TMC1: variants seen among roughly 807,000 people sequenced by gnomAD.
The protein encoded by TMC1 is transmembrane channel like 1.
A neutral mutation model predicts 105.8 loss-of-function variants in TMC1; 84 were observed. The ratio of observed to expected loss-of-function variants is 0.79; its 90% CI spans 0.67 to 0.95. TMC1 has a LOEUF of 0.95. Ranked by LOEUF, TMC1 falls within the 40% of genes least tolerant of loss-of-function variation. The pLI, the probability that TMC1 is intolerant of heterozygous loss-of-function variation, is 0.00. For missense variants in TMC1, 817 were observed against 914.1 expected (o/e 0.89, Z 1.37); for synonymous variants, 315 against 311.5 (o/e 1.01, Z -0.12).
chr9:72,562,226 C>T (rs1432110577), intron 1 of TMC1, among the ~76,000 whole-genome samples: 1 of 152,116 alleles, frequency 6.6e-6, no homozygotes, highest in African/African-American at 2.4e-5. Context: ...AGTCAAGGGT[C>T]TTGCAGGTTC....
At chr9:72,801,189 T>G (rs901993222) in intron 17 of TMC1, among the ~76,000 whole-genome samples, 1 of 152,170 alleles carries the variant, frequency 6.6e-6, no homozygotes, top group South Asian at 2.1e-4. Context: ...CAAGCAATCA[T>G]TTAGTTTCAT....
At chr9:72,624,340 G>T (rs1173256776) in intron 3 of TMC1, among the ~76,000 whole-genome samples, 1 of 152,298 alleles carries the variant, frequency 6.6e-6, no homozygotes. Flanking sequence ...CTTCTTTGCA[G>T]TCGGGCGGTA....
chr9:72,796,952 A>G (rs1239091745), intron 17 of TMC1, among the ~76,000 whole-genome samples: 1 of 152,162 alleles, frequency 6.6e-6, no homozygotes, highest in Non-Finnish European at 1.5e-5. Context: ...TGCAGATGAC[A>G]TGATCCTATA....
chr9:72,563,343 G>C (rs1824091033), intron 1 of TMC1, among the ~76,000 whole-genome samples: 3 of 152,138 alleles, frequency 2.0e-5, no homozygotes, highest in Admixed American at 2.0e-4. Context: ...TGGTAATTTG[G>C]CTTCATAAGA....
chr9:72,681,252 G>A (rs1008718280), intron 5 of TMC1, among the ~76,000 whole-genome samples: 2 of 152,058 alleles, frequency 1.3e-5, no homozygotes, highest in Non-Finnish European at 2.9e-5. Context: ...TATTATGACA[G>A]CATGGTTAAA....
chr9:72,695,031 A>T (rs1588035908), intron 7 of TMC1, among the ~76,000 whole-genome samples: 1 of 152,208 alleles, frequency 6.6e-6, no homozygotes, highest in East Asian at 1.9e-4. Context: ...ATCTAGGTTA[A>T]GTAGAAACTC....
intron 12 of TMC1, among the ~76,000 whole-genome samples, chr9:72,765,878 C>T (rs1485558876): frequency 6.6e-6 from 1 of 152,026 alleles, no homozygotes; most frequent in Non-Finnish European, 1.5e-5. Flanking sequence ...CAGTCGTGGG[C>T]CATGGCACAA....
At chr9:72,781,570 C>T (rs1828093089) in intron 13 of TMC1, among the ~76,000 whole-genome samples, 2 of 151,876 alleles carry the variant, frequency 1.3e-5, no homozygotes, top group South Asian at 4.2e-4. Context: ...AGACCACTAG[C>T]TAGATTAATA....
chr9:72,804,841 A>G (rs549559372), intron 17 of TMC1, among the ~76,000 whole-genome samples: 3 of 152,258 alleles, frequency 2.0e-5, no homozygotes, highest in Non-Finnish European at 1.5e-5. Flanking sequence ...TTTCATTTGT[A>G]TTTTTATTAT....
intron 5 of TMC1, among the ~76,000 whole-genome samples, chr9:72,681,807 C>A (rs377651730): frequency 2.0e-5 from 3 of 152,020 alleles, no homozygotes; most frequent in African/African-American, 7.3e-5. Context: ...AGTTAGTGTC[C>A]TCTCTCTGTG....
At chr9:72,750,626 T>C (rs1236791277) in intron 10 of TMC1, among the ~76,000 whole-genome samples, 2 of 152,164 alleles carry the variant, frequency 1.3e-5, no homozygotes, top group East Asian at 3.8e-4. Context: ...TGACTGAACA[T>C]TCTTGCCTAT....
At chr9:72,820,144 A>G (rs774390429) in intron 19 of TMC1, among the ~76,000 whole-genome samples, 4 of 152,194 alleles carry the variant, frequency 2.6e-5, no homozygotes, top group Non-Finnish European at 4.4e-5. Context: ...CATCTCAAAA[A>G]CCTATAAGCT....
intron 12 of TMC1, among the ~76,000 whole-genome samples, chr9:72,764,625 A>G (rs989237283): frequency 6.6e-6 from 1 of 152,138 alleles, no homozygotes; most frequent in East Asian, 1.9e-4. Flanking sequence ...ACTGTCTTGG[A>G]TGATTTACTC....
intron 2 of TMC1, among the ~76,000 whole-genome samples, chr9:72,585,895 G>A (rs946696426): frequency 2.0e-5 from 3 of 152,162 alleles, no homozygotes; most frequent in African/African-American, 7.2e-5. Flanking sequence ...AGGCTTGCCA[G>A]TATTGATGTC....
At chr9:72,791,772 T>G in intron 15 of TMC1, 114 bp from the exon 16 acceptor site, 1 of 862,606 alleles carries the variant, frequency 1.2e-6, no homozygotes, top group Non-Finnish European at 1.9e-6. Context: ...ATAGTCATTT[T>G]TAGTCTTAAA....
rs180956328 is a variant in TMC1 at position 72,585,403 on chromosome 9, G to A, written c.-306+7380G>A. On this transcript the variant is annotated intron_variant, in intron 2 of 23. Coordinates refer to ENST00000297784, the MANE Select transcript of TMC1 (RefSeq NM_138691.3). ...CTGACCTCGTGATCTGCCCGCCTCA[G>A]CCTCCCAAAGTGCTGGGATTACAGG... 5.4e-3 allele frequency among the ~76,000 whole-genome samples: 808 copies of A among 150,032 alleles called. 7 individuals are homozygous for A. Among genetic ancestry groups the A allele is most frequent in the African/African-American group, 0.019 (774 of 40,760 alleles).
chr9:72,764,276 G>A (rs542713365), intron 12 of TMC1, among the ~76,000 whole-genome samples: 13 of 152,096 alleles, frequency 8.5e-5, no homozygotes, highest in African/African-American at 1.2e-4. Context: ...GACCACACAC[G>A]TCTCGTTTCA....
At chr9:72,816,112 G>A (rs781306086) in intron 18 of TMC1, 31 bp from the exon 19 acceptor site, 11 of 1,605,474 alleles carry the variant, frequency 6.9e-6, no homozygotes, top group East Asian at 6.7e-5. Flanking sequence ...CATGTGAGAC[G>A]CTAATCCAAT....
At chr9:72,559,341 G>A (rs1049610042) in intron 1 of TMC1, among the ~76,000 whole-genome samples, 1 of 152,096 alleles carries the variant, frequency 6.6e-6, no homozygotes, top group Non-Finnish European at 1.5e-5. Context: ...TGATCCACCC[G>A]CCTTGGCTTC....
Sources: allele counts gnomAD v4.1 joint callset (sites outside exome capture counted in the v4.1 genomes callset), GRCh38; gene constraint gnomAD v4.1.1; transcripts MANE v1.5; gene names NCBI Gene and HGNC (gene_info 2026-07-23, HGNC 2026-07-21).